The following MLH3 variants were observed in gnomAD, a reference collection of about 807,000 sequenced individuals.
MLH3 encodes mutL homolog 3, also known as DNA mismatch repair protein Mlh3.
MLH3 carries 82 observed loss-of-function variants against 122.2 expected under a neutral mutation model. The observed-to-expected ratio is 0.67, with a 90% confidence interval of 0.56 to 0.81. The LOEUF (loss-of-function observed/expected upper bound fraction) is 0.81, where lower values mean the gene tolerates loss of function less well. Ranked by LOEUF, MLH3 falls within the 30% of genes least tolerant of loss-of-function variation. The pLI is 0.00. For missense variants in MLH3, 1,539 were observed against 1,714.5 expected (o/e 0.90, Z 1.81); for synonymous variants, 524 against 599.5 (o/e 0.87, Z 1.84).
intron 11 of MLH3, among the ~76,000 whole-genome samples, chr14:75,019,831 G>A (rs1407136176): frequency 6.6e-6 from 1 of 152,002 alleles, no homozygotes; most frequent in East Asian, 1.9e-4. Flanking sequence ...ACTTTGTATT[G>A]GGAGCTTTGT....
chr14:75,039,367 C>T (rs1016343556), intron 5 of MLH3, among the ~76,000 whole-genome samples: 1 of 151,972 alleles, frequency 6.6e-6, no homozygotes, highest in African/African-American at 2.4e-5. Flanking sequence ...AATTTGTTTC[C>T]GTACTGAAAA....
intron 11 of MLH3, among the ~76,000 whole-genome samples, chr14:75,021,090 TGGTCTC>T (rs1890248003): frequency 6.6e-6 from 1 of 152,256 alleles, no homozygotes; most frequent in Non-Finnish European, 1.5e-5. Context: ...TTGGCCAGGC[TGGTCTC>T]GAACTCCTGA....
Position 75,033,430 on chromosome 14 carries a change from T to A in MLH3, c.3704A>T (p.Gln1235Leu). The A allele has an allele frequency of 4.3e-6, 7 of 1,614,162 alleles. No individual in the cohort carries two copies. The highest frequency in any genetic ancestry group is 5.9e-6 in the Non-Finnish European group (7 of 1,180,004). The change falls in exon 7 of 13, where the codon CAG becomes CTG. Residue 1235 changes from glutamine (Q) to leucine (L), a missense_variant. By Grantham distance (113) the Gln-to-Leu change is moderately radical. Transcript: ENST00000355774. The part of the protein sequence containing the change: ...HAAHERIRLE[Q>L]LIIDSYEKQQ... The stretch of plus-strand genomic sequence containing the variant: ...AAACAGATCCTTACCAATGATAAGC[T>A]GCTCCAGACGTATACGCTCATGGGC...
intron 5 of MLH3, 42 bp downstream of exon 5, chr14:75,039,840 TTAGGCCATATATATATATATATATATATA>T: frequency 4.9e-6 from 2 of 409,186 alleles, no homozygotes; most frequent in Non-Finnish European, 7.7e-6. Flanking sequence ...TTTAGAAGAG[TTAGGCCATATATATATATATATATATATA>T]TATATATATA....
chr14:75,049,952 C>T (rs948913657), intron 1 of MLH3, among the ~76,000 whole-genome samples: 7 of 152,192 alleles, frequency 4.6e-5, no homozygotes, highest in Non-Finnish European at 8.8e-5. Flanking sequence ...CTAAATCCCA[C>T]ATGTCCTAAA....
chr14:75,047,916 CTCTG>C lies in MLH3; in HGVS notation c.1736_1739del (p.Thr579ArgfsTer30). ...TGCTAGATTCTTTTTTTTTCTCTTT[CTCTG>C]TCTGAGCACTATGTACTCCCCATAA... On this transcript the variant is annotated frameshift_variant, in exon 2 of 13. Transcript: ENST00000355774. LOFTEE classifies it high-confidence loss of function. The C allele has an allele frequency of 1.2e-6, 2 of 1,612,460 alleles. No individual in the cohort carries two copies. The highest frequency in any genetic ancestry group is 1.7e-6 in the Non-Finnish European group (2 of 1,179,596).
intron 3 of MLH3, 90 bp from the exon 4 acceptor site, chr14:75,041,790 A>T (rs1566597041): frequency 1.2e-6 from 1 of 862,686 alleles, no homozygotes; most frequent in Non-Finnish European, 2.0e-6. Flanking sequence ...CATAGCCTCA[A>T]GACCAAAGGT....
Position 75,046,986 on chromosome 14 carries a change from C to T in MLH3, c.2670G>A (p.Met890Ile), listed in dbSNP as rs147021156. The part of the protein sequence containing the change: ...LKGSERETQT[M>I]GMMSRFNELP... ...GTTCATTAAAACGACTCATCATCCC[C>T]ATTGTTTGAGTTTCTCTTTCGGAAC... Residue 890 changes from methionine to isoleucine, a missense_variant, in exon 2 of 13, where the codon ATG becomes ATA. Met to Ile is a conservative substitution (Grantham distance 10, BLOSUM62 1). Coordinates refer to ENST00000355774, the MANE Select transcript of MLH3 (RefSeq NM_001040108.2). 236 of 1,614,172 alleles carry T rather than the reference C, an allele frequency of 1.5e-4. No individual in the cohort carries two copies. The African/African-American group carries it at 2.8e-3, about 19-fold the overall frequency.
Position 75,032,156 on chromosome 14 carries a change from G to T in MLH3, c.3739C>A (p.Gln1247Lys). 6.2e-7 allele frequency: 1 copy of T among 1,612,870 alleles called. No homozygotes were observed. Among genetic ancestry groups the T allele is most frequent in the South Asian group, 1.1e-5 (1 of 91,056 alleles). Reference protein sequence around the residue: ...IIDSYEKQQAQGSGRKKLLSS... With the variant: ...IIDSYEKQQAKGSGRKKLLSS... ...AGTAATTTTTTCCGACCAGAGCCTT[G>T]TGCCTGTTGCTTCTCGTAGGAATCT... Residue 1247 changes from glutamine to lysine, a missense_variant, in exon 8 of 13, where the codon CAA becomes AAA. Physicochemically the swap from Gln to Lys is moderately conservative, Grantham distance 53. Transcript: ENST00000355774.
At chr14:75,028,890 T>C (rs1396646028) in intron 9 of MLH3, among the ~76,000 whole-genome samples, 1 of 151,436 alleles carries the variant, frequency 6.6e-6, no homozygotes, top group Non-Finnish European at 1.5e-5. Context: ...GGCTCATGCC[T>C]GTAATCCCAG....
chr14:75,046,407 T>C lies in MLH3; in HGVS notation c.3249A>G (p.Thr1083=), dbSNP rs1320469296. 3 of 1,614,058 alleles carry C rather than the reference T, an allele frequency of 1.9e-6. No individual in the cohort carries two copies. Among genetic ancestry groups the C allele is most frequent in the Non-Finnish European group, 2.5e-6 (3 of 1,180,034 alleles). Residue 1083 remains threonine (T), a synonymous_variant, in exon 2 of 13, where the codon ACA becomes ACG. Transcript: ENST00000355774. ...DIQAACTKDL[T]TVAVDVVLEN... ...CAAGTACAACATCCACAGCCACAGT[T>C]GTCAGGTCTTTAGTACAAGCAGCCT...
intron 5 of MLH3, 42 bp from the exon 6 acceptor site, chr14:75,038,454 T>G: frequency 8.0e-7 from 1 of 1,246,716 alleles, no homozygotes; most frequent in Non-Finnish European, 1.2e-6. Context: ...TAAATAAAAA[T>G]TAACAAAGGC....
chr14:75,048,339 A>G lies in MLH3; in HGVS notation c.1317T>C (p.Phe439=). ...EATRKNTNDA[F]LYIYESGGPG... is the part of the protein sequence containing the mutation. ...GACCACCTGATTCATAAATGTACAAAAATGCATCATTTGTATTTTTTCTGG... is the reference window on the plus strand; with the variant it reads ...GACCACCTGATTCATAAATGTACAAGAATGCATCATTTGTATTTTTTCTGG... The change falls in exon 2 of 13, where the codon TTT becomes TTC. Residue 439 remains phenylalanine (F), a synonymous_variant. Coordinates refer to ENST00000355774, the MANE Select transcript of MLH3 (RefSeq NM_001040108.2). 1 of 1,613,964 alleles carries G rather than the reference A, an allele frequency of 6.2e-7. No individual in the cohort carries two copies. The highest frequency in any genetic ancestry group is 8.5e-7 in the Non-Finnish European group (1 of 1,179,974).
At position 75,048,504 on chromosome 14, in the gene MLH3, G is replaced by A. The variant is rs752741447; in HGVS notation, c.1152C>T (p.Ser384=). The A allele has an allele frequency of 1.1e-5, 17 of 1,612,814 alleles. No homozygotes were observed. The highest frequency in any genetic ancestry group is 1.6e-4 in the Middle Eastern group (1 of 6,084). ...CTTCCTGGAAATTGCTCCTCTCATC[G>A]GAAGTCACACGCTTCTGAAGAGTAG... ...FDATLQKRVT[S]DERSNFQEAC... The change falls in exon 2 of 13, where the codon TCC becomes TCT. Residue 384 remains serine (S), a synonymous_variant. Coordinates refer to ENST00000355774, the MANE Select transcript of MLH3 (RefSeq NM_001040108.2).
chr14:75,047,823 A>C lies in MLH3; in HGVS notation c.1833T>G (p.His611Gln), dbSNP rs750733410. The change falls in exon 2 of 13, where the codon CAT (histidine) becomes CAG (glutamine). Residue 611 changes from histidine (H) to glutamine (Q), a missense_variant. Physicochemically the swap from His to Gln is conservative, Grantham distance 24. Transcript: ENST00000355774. ...ATTTAGTTTTTTCATTTTGTACTAC[A>C]TGAGTTATAAAGCCAGTGGAACATA... ...VKLCSTGFITHVVQNEKTKST... is the reference protein window; with the variant it reads ...VKLCSTGFITQVVQNEKTKST... 2 of 1,613,908 alleles carry C rather than the reference A, an allele frequency of 1.2e-6. No individual in the cohort carries two copies. The highest frequency in any genetic ancestry group is 1.7e-6 in the Non-Finnish European group (2 of 1,179,956).
chr14:75,043,251 C>G (rs778690794), intron 2 of MLH3, among the ~76,000 whole-genome samples: 4 of 152,236 alleles, frequency 2.6e-5, no homozygotes, highest in Non-Finnish European at 2.9e-5. Flanking sequence ...TCAGCCATAA[C>G]TTGGTGCAAC....
chr14:75,028,313 C>T (rs1469624608), intron 9 of MLH3, among the ~76,000 whole-genome samples: 1 of 152,046 alleles, frequency 6.6e-6, no homozygotes, highest in East Asian at 1.9e-4. Context: ...ATGCAAACTA[C>T]TTAGTAGAAT....
chr14:75,032,070 T>C lies in MLH3; in HGVS notation c.3825A>G (p.Leu1275=). ...ITVTEEQRRL[L]WCYHKNLEDL... ...CACATTCTCATGGTGGTACTGACCATAAGAGTCTCCTTTGTTCCTCTGTCA... is the reference window on the plus strand; with the variant it reads ...CACATTCTCATGGTGGTACTGACCACAAGAGTCTCCTTTGTTCCTCTGTCA... Residue 1275 remains leucine, a splice_region_variant and synonymous_variant, in exon 8 of 13, where the codon TTA becomes TTG. Transcript: ENST00000355774. 1.3e-6 allele frequency: 2 copies of C among 1,574,500 alleles called. No homozygotes were observed. Among genetic ancestry groups the C allele is most frequent in the South Asian group, 1.1e-5 (1 of 90,216 alleles).
rs2139496454 is a variant in MLH3, at chr14:75,041,704, G to A, written c.3380-4C>T. ...CTAACAGTATCATCCACAGTATCTA[G>A]GGCAAAAGGGAACAGGTAAAGTTGG... On this transcript the variant is annotated splice_region_variant and splice_polypyrimidine_tract_variant and intron_variant, in intron 3 of 12. Transcript: ENST00000355774. 1 of 1,609,892 alleles carries A rather than the reference G, an allele frequency of 6.2e-7. No individual in the cohort carries two copies. Among genetic ancestry groups the A allele is most frequent in the Admixed American group, 1.7e-5 (1 of 60,014 alleles).
Sources: gnomAD v4.1 joint callset for allele counts (sites outside exome capture counted in the v4.1 genomes callset) on GRCh38, gnomAD v4.1.1 for gene constraint, MANE v1.5 for transcripts, NCBI Gene and HGNC (gene_info 2026-07-23, HGNC 2026-07-21) for gene names.